Variants in AP3B1 observed in about 807,000 individuals in gnomAD.
AP3B1 encodes adaptor related protein complex 3 subunit beta 1, also known as AP-3 complex subunit beta-1.
In AP3B1, 61 loss-of-function variants were observed where a neutral mutation model predicts 132.5. The ratio of observed to expected loss-of-function variants is 0.46; its 90% CI spans 0.37 to 0.57. The LOEUF (loss-of-function observed/expected upper bound fraction) is 0.57, where lower values mean the gene tolerates loss of function less well. Ranked by LOEUF, AP3B1 falls within the 20% of genes least tolerant of loss-of-function variation. The pLI is 0.00. For missense variants in AP3B1, 1,120 were observed against 1,289.4 expected (o/e 0.87, Z 2.01); for synonymous variants, 388 against 438.3 (o/e 0.89, Z 1.43).
In AP3B1 at chr5:78,158,788, C is replaced by T. The variant is rs1417378981; in HGVS notation, c.1364-2421G>A. ...CTCGGCTCACTGCAACCTCCACTTC[C>T]GGGGTTCAAGCGATTCTCCTGCCTC... On this transcript the variant is annotated intron_variant, in intron 13 of 26. Coordinates refer to ENST00000255194, the MANE Select transcript of AP3B1 (RefSeq NM_003664.5). Among the ~76,000 whole-genome samples the T allele has an allele frequency of 3.3e-5, 5 of 151,930 alleles. No individual in the cohort carries two copies. In the East Asian group the frequency reaches 7.7e-4, roughly 24 times the overall value.
intron 24 of AP3B1, among the ~76,000 whole-genome samples, chr5:78,022,048 C>A (rs913183600): frequency 1.3e-5 from 2 of 152,034 alleles, no homozygotes; most frequent in African/African-American, 4.8e-5. Context: ...AGACAAATGA[C>A]ATAATATAAA....
chr5:78,039,803 GAAA>G (rs1217620341), intron 22 of AP3B1, among the ~76,000 whole-genome samples: 1 of 129,898 alleles, frequency 7.7e-6, no homozygotes, highest in East Asian at 2.3e-4. Context: ...GAAAAGAAAA[GAAA>G]AAAAAAAGAA....
At chr5:78,100,499 C>A (rs567978301) in intron 21 of AP3B1, among the ~76,000 whole-genome samples, 52 of 152,158 alleles carry the variant, frequency 3.4e-4, no homozygotes, top group Non-Finnish European at 5.0e-4. Flanking sequence ...CCAAACTGGC[C>A]TCCAAAGGCT....
intron 11 of AP3B1, among the ~76,000 whole-genome samples, chr5:78,170,969 A>T (rs529073397): frequency 6.6e-6 from 1 of 152,284 alleles, no homozygotes; most frequent in Admixed American, 6.5e-5. Context: ...CAGTTTTCCC[A>T]GCACCATTTA....
intron 1 of AP3B1, among the ~76,000 whole-genome samples, chr5:78,292,413 G>T (rs192136850): frequency 4.9e-4 from 75 of 152,268 alleles, no homozygotes; most frequent in African/African-American, 1.5e-3. Flanking sequence ...TTTGTGAGTT[G>T]TATGCACTCA....
At chr5:78,232,537 A>G (rs1442820945) in intron 3 of AP3B1, among the ~76,000 whole-genome samples, 32 of 152,172 alleles carry the variant, frequency 2.1e-4, no homozygotes, top group Admixed American at 2.1e-3. Flanking sequence ...ATCCACAATA[A>G]TATCAGCAAT....
At chr5:78,165,254 G>A (rs1743564978) in intron 12 of AP3B1, among the ~76,000 whole-genome samples, 1 of 152,042 alleles carries the variant, frequency 6.6e-6, no homozygotes, top group Non-Finnish European at 1.5e-5. Context: ...CAATAAAATG[G>A]GAACAACCAG....
At chr5:78,158,713 T>G (rs1236627973) in intron 13 of AP3B1, among the ~76,000 whole-genome samples, 1 of 151,980 alleles carries the variant, frequency 6.6e-6, no homozygotes, top group Non-Finnish European at 1.5e-5. Context: ...CTTTTTTTTT[T>G]TTTGAGATGT....
chr5:78,269,065 T>C (rs1381669355), intron 1 of AP3B1, among the ~76,000 whole-genome samples: 1 of 152,212 alleles, frequency 6.6e-6, no homozygotes, highest in African/African-American at 2.4e-5. Context: ...CTTTTAGGTC[T>C]ACCTTCTTCA....
chr5:78,034,552 A>G (rs1420998002), intron 23 of AP3B1, 107 bp from the exon 24 acceptor site: 2 of 820,978 alleles, frequency 2.4e-6, no homozygotes, highest in Non-Finnish European at 4.1e-6. Flanking sequence ...AAACTGTGAA[A>G]TGTAATGATG....
At chr5:78,161,655 A>T (rs1392667789) in intron 13 of AP3B1, among the ~76,000 whole-genome samples, 2 of 152,002 alleles carry the variant, frequency 1.3e-5, no homozygotes, top group Admixed American at 1.3e-4. Flanking sequence ...ATAAAAAAAA[A>T]TTTTAAACCT....
At chr5:78,123,551 A>G (rs1752324304) in intron 17 of AP3B1, among the ~76,000 whole-genome samples, 1 of 152,230 alleles carries the variant, frequency 6.6e-6, no homozygotes, top group Admixed American at 6.5e-5. Flanking sequence ...GTGAACAGAC[A>G]CTTCTCAAAA....
intron 22 of AP3B1, among the ~76,000 whole-genome samples, chr5:78,060,794 C>CA (rs1409657708): frequency 6.6e-6 from 1 of 151,748 alleles, no homozygotes; most frequent in Non-Finnish European, 1.5e-5. Flanking sequence ...TCTTTCATCA[C>CA]AAGTACCATA....
At chr5:78,165,709 C>T (rs771765115) in intron 11 of AP3B1, 37 bp from the exon 12 acceptor site, 1 of 1,366,838 alleles carries the variant, frequency 7.3e-7, no homozygotes, top group Non-Finnish European at 1.0e-6. Context: ...CATTTTAAAA[C>T]AAAGGTAGCA....
chr5:78,014,931 A>AC (rs1322410302), intron 26 of AP3B1, among the ~76,000 whole-genome samples: 1 of 152,100 alleles, frequency 6.6e-6, no homozygotes, highest in Non-Finnish European at 1.5e-5. Flanking sequence ...AGCTGTATTT[A>AC]CCCCCATGTT....
At position 78,117,286 on chromosome 5, in the gene AP3B1, G is replaced by A. The variant is rs117792580; in HGVS notation, c.1969-1052C>T. On this transcript the variant is annotated intron_variant, in intron 17 of 26. Transcript: ENST00000255194. ...CTGGTAGAATGTAAGTTTCTGGAGA[G>A]CAGGGAATTTAAAATATTTTGTGCA... Among the ~76,000 whole-genome samples, 130 of 150,576 alleles carry A rather than the reference G, an allele frequency of 8.6e-4. 4 individuals carry two copies. In the East Asian group the frequency reaches 0.022, roughly 25 times the overall value.
chr5:78,205,444 C>T lies in AP3B1; in HGVS notation c.786+10611G>A, dbSNP rs140299483. 3.1e-3 allele frequency among the ~76,000 whole-genome samples: 463 copies of T among 151,294 alleles called. 4 individuals carry two copies. Among genetic ancestry groups the T allele is most frequent in the African/African-American group, 0.011 (441 of 41,286 alleles). On this transcript the variant is annotated intron_variant, in intron 7 of 26. Coordinates refer to ENST00000255194, the MANE Select transcript of AP3B1 (RefSeq NM_003664.5). ...TCATATATATATACATATATATATA[C>T]ACACACACACGCACACAAATATATA...
intron 24 of AP3B1, among the ~76,000 whole-genome samples, chr5:78,029,474 T>C (rs1747481226): frequency 6.6e-6 from 1 of 152,012 alleles, no homozygotes; most frequent in Admixed American, 6.6e-5. Flanking sequence ...AGGTTTCTCA[T>C]AAATAGCATA....
intron 14 of AP3B1, among the ~76,000 whole-genome samples, chr5:78,148,121 C>G (rs1333779217): frequency 6.6e-6 from 1 of 151,980 alleles, no homozygotes; most frequent in Non-Finnish European, 1.5e-5. Flanking sequence ...TGAATATACT[C>G]AAATAGAAGA....
Sources: gnomAD v4.1 joint callset for allele counts (sites outside exome capture counted in the v4.1 genomes callset) on GRCh38, gnomAD v4.1.1 for gene constraint, MANE v1.5 for transcripts, NCBI Gene and HGNC (gene_info 2026-07-23, HGNC 2026-07-21) for gene names.